SRL: variants seen among roughly 807,000 people sequenced by gnomAD.
The protein encoded by SRL is sarcalumenin.
SRL carries 23 observed loss-of-function variants against 39.5 expected under a neutral mutation model. The observed-to-expected ratio is 0.58, with a 90% CI of 0.42 to 0.82. The LOEUF is 0.82. Ranked by LOEUF, SRL falls within the 40% of genes least tolerant of loss-of-function variation. The probability of loss-of-function intolerance (pLI) is 0.00; values close to 1 mark genes in which losing one functional copy is unlikely to be tolerated. For missense variants in SRL, 592 were observed against 607.8 expected (o/e 0.97, Z 0.27); for synonymous variants, 272 against 237.4 (o/e 1.15, Z -1.34).
At chr16:4,234,774 T>A (rs2052697778) in intron 1 of SRL, among the ~76,000 whole-genome samples, 1 of 152,218 alleles carries the variant, frequency 6.6e-6, no homozygotes, top group South Asian at 2.1e-4. Flanking sequence ...ATTCATTCAT[T>A]CATTATTTCA....
intron 1 of SRL, chr16:4,207,023 G>A (rs973561333): frequency 1.1e-5 from 5 of 452,468 alleles, no homozygotes; most frequent in African/African-American, 2.0e-5. Context: ...GGGGATCCCC[G>A]CCTTCCTGGG....
In SRL at chr16:4,191,150, T is replaced by A. The variant is rs776641651; in HGVS notation, c.*1003A>T. The stretch of plus-strand genomic sequence containing the variant: ...CCAACCAGTCCCCTCCTGGGTCCGA[T>A]GAAGGGATCGAGCCCTCGAGCCAGC... On this transcript the variant is annotated 3_prime_UTR_variant, in exon 6 of 6. Coordinates refer to ENST00000399609, the MANE Select transcript of SRL (RefSeq NM_001098814.2). 1 of 152,248 alleles carries A rather than the reference T, an allele frequency of 6.6e-6. No homozygotes were observed. The highest frequency in any genetic ancestry group is 1.5e-5 in the Non-Finnish European group (1 of 68,090). 9.4% of individuals were successfully genotyped at this position (152,248 alleles called of 1,614,324 possible). A position where few individuals can be genotyped will look rare whatever the true frequency, so the allele number is the denominator to read the frequency against.
chr16:4,236,327 C>T (rs999315861), intron 1 of SRL, among the ~76,000 whole-genome samples: 1 of 152,164 alleles, frequency 6.6e-6, no homozygotes, highest in African/African-American at 2.4e-5. Context: ...CTGCTGGCCA[C>T]TCGCCCTTCT....
intron 1 of SRL, among the ~76,000 whole-genome samples, chr16:4,213,404 C>CTTTT (rs1176583909): frequency 6.8e-4 from 47 of 69,580 alleles, no homozygotes; most frequent in African/African-American, 1.4e-3. Context: ...TTTTCTTTTT[C>CTTTT]TTTTTTTTTT....
intron 3 of SRL, among the ~76,000 whole-genome samples, chr16:4,198,538 C>T (rs1302097398): frequency 6.6e-6 from 1 of 152,126 alleles, no homozygotes; most frequent in South Asian, 2.1e-4. Flanking sequence ...AATTACTGGG[C>T]TCAAGCAATC....
At chr16:4,202,616 A>G (rs2052251552) in intron 3 of SRL, among the ~76,000 whole-genome samples, 1 of 152,032 alleles carries the variant, frequency 6.6e-6, no homozygotes, top group African/African-American at 2.4e-5. Context: ...CTGGAGGTCA[A>G]GAATATAATT....
intron 5 of SRL, among the ~76,000 whole-genome samples, chr16:4,193,424 C>T (rs934650425): frequency 5.3e-5 from 8 of 152,170 alleles, no homozygotes; most frequent in Admixed American, 5.2e-4. Flanking sequence ...CTAAAAGGAT[C>T]TGGGGCAATG....
At chr16:4,198,619 AT>A (rs138419072) in intron 3 of SRL, among the ~76,000 whole-genome samples, 5,437 of 151,764 alleles carry the variant, frequency 0.036, 303 homozygotes, top group African/African-American at 0.12. Context: ...AAATTTAAAA[AT>A]TTTTTTTTGT....
chr16:4,206,812 T>C (rs1233032663), intron 1 of SRL: 3 of 456,640 alleles, frequency 6.6e-6, no homozygotes, highest in Non-Finnish European at 1.3e-5. Context: ...TCACTGCCCA[T>C]GGACTCTGTA....
chr16:4,207,256 C>T (rs574634569), intron 1 of SRL: 36 of 457,068 alleles, frequency 7.9e-5, no homozygotes, highest in African/African-American at 6.0e-4. Flanking sequence ...GCTTCATCTG[C>T]GTCCTCCTCA....
chr16:4,204,435 C>A, intron 2 of SRL, 98 bp downstream of exon 2: 1 of 1,109,156 alleles, frequency 9.0e-7, no homozygotes, highest in South Asian at 1.3e-5. Flanking sequence ...CAAGATACAG[C>A]CCCGGCACGC....
At chr16:4,230,220 A>G (rs1465693969) in intron 1 of SRL, among the ~76,000 whole-genome samples, 4 of 152,040 alleles carry the variant, frequency 2.6e-5, no homozygotes, top group Admixed American at 2.6e-4. Flanking sequence ...GTGTCTGCAG[A>G]GCTCCAGATC....
intron 1 of SRL, among the ~76,000 whole-genome samples, chr16:4,239,039 A>G (rs1432533803): frequency 6.6e-6 from 1 of 152,168 alleles, no homozygotes; most frequent in African/African-American, 2.4e-5. Context: ...ATGAGGAGTC[A>G]GGGAACCAGC....
intron 1 of SRL, among the ~76,000 whole-genome samples, chr16:4,219,752 C>T (rs115820166): frequency 0.035 from 5,391 of 152,234 alleles, 304 homozygotes; most frequent in African/African-American, 0.12. Context: ...TGAGCCACCA[C>T]GCCTGGCCTG....
chr16:4,192,022 A>G lies in SRL; in HGVS notation c.*131T>C. The G allele has an allele frequency of 9.5e-7, 1 of 1,052,402 alleles. No individual in the cohort carries two copies. 65.2% of individuals were successfully genotyped at this position (1,052,402 alleles called of 1,614,324 possible). On this transcript the variant is annotated 3_prime_UTR_variant, in exon 6 of 6. Transcript: ENST00000399609. The surrounding 1 kb of genome is among the most constrained non-coding windows in gnomAD (Gnocchi z 4.0). ...CACACCTGCCCCGACCCCTGGCCTC[A>G]ATGAACTCCCAACTCTCCACTGTGT...
At chr16:4,232,685 A>AT (rs1035247704) in intron 1 of SRL, among the ~76,000 whole-genome samples, 62 of 152,158 alleles carry the variant, frequency 4.1e-4, no homozygotes, top group African/African-American at 1.1e-3. Context: ...TAATTGTTGT[A>AT]TTTTTTTGTA....
Position 4,204,628 on chromosome 16 carries a change from G to A in SRL, c.68C>T (p.Thr23Met), listed in dbSNP as rs199775931. The A allele has an allele frequency of 4.0e-5, 64 of 1,613,768 alleles. No homozygotes were observed. Among genetic ancestry groups the A allele is most frequent in the East Asian group, 3.1e-4 (14 of 44,876 alleles). The change falls in exon 2 of 6, where the codon ACG (threonine) becomes ATG (methionine). Residue 23 changes from threonine to methionine, a missense_variant. Transcript: ENST00000399609. ...TGGGGCTTCTTCATTTGCATCCTCC[G>A]TCTCTTCTGTGGAGAGAAGCAGACA... is the stretch of plus-strand genomic sequence containing the variant. ...SLLFSGQAEE[T>M]EDANEEAPLR...
chr16:4,198,827 C>T (rs1299907695), intron 3 of SRL, among the ~76,000 whole-genome samples: 5 of 152,278 alleles, frequency 3.3e-5, no homozygotes, highest in Admixed American at 1.3e-4. Flanking sequence ...AATGAACTGG[C>T]AATTCTTGGG....
chr16:4,239,651 G>T (rs1025674979), intron 1 of SRL: 1 of 152,370 alleles, frequency 6.6e-6, no homozygotes, highest in Non-Finnish European at 1.5e-5. Context: ...GGAGAGAGGG[G>T]CTTGGGAGTG....
Sources: allele counts gnomAD v4.1 joint callset (sites outside exome capture counted in the v4.1 genomes callset), GRCh38; gene constraint gnomAD v4.1.1; non-coding constraint Gnocchi (gnomAD v3.1); transcripts MANE v1.5; gene names NCBI Gene and HGNC (gene_info 2026-07-23, HGNC 2026-07-21).